Variants in LCORL observed in about 807,000 individuals in gnomAD.
The protein encoded by LCORL is ligand dependent nuclear receptor corepressor like.
Under a neutral mutation model 141.8 loss-of-function variants are expected in LCORL, and 41 were observed. That is an observed-to-expected ratio of 0.29 (90% CI 0.23 to 0.38). LCORL has a LOEUF of 0.38. Among genes scored for constraint, LCORL ranks in the 10% least tolerant of loss-of-function variants. The pLI, the probability that LCORL is intolerant of heterozygous loss-of-function variation, is 1.00. For synonymous variants in LCORL, 618 were observed against 694.1 expected, an observed-to-expected ratio of 0.89 and a Z score of 1.72; for missense variants, 1,759 against 2,035.0, an observed-to-expected ratio of 0.86 and a Z score of 2.61.
chr4:17,897,125 G>A (rs1320521975), intron 5 of LCORL, among the ~76,000 whole-genome samples: 1 of 147,122 alleles, frequency 6.8e-6, no homozygotes, highest in East Asian at 2.1e-4. Flanking sequence ...TCTGCTGATG[G>A]ACACTTAGGT....
At chr4:17,880,665 G>A in intron 6 of LCORL, 1 of 982,644 alleles carries the variant, frequency 1.0e-6, no homozygotes, top group Non-Finnish European at 1.2e-6. Context: ...CAACAGTGTT[G>A]TAAATTTAAG....
At chr4:17,950,019 A>AT (rs576187040) in intron 4 of LCORL, among the ~76,000 whole-genome samples, 3 of 151,542 alleles carry the variant, frequency 2.0e-5, no homozygotes, top group East Asian at 1.9e-4. Flanking sequence ...TGCCACCTCA[A>AT]TTTTTTTTTA....
At chr4:17,862,488 A>G (rs1024278138) in intron 7 of LCORL, among the ~76,000 whole-genome samples, 50 of 152,224 alleles carry the variant, frequency 3.3e-4, no homozygotes, top group African/African-American at 1.2e-3. Flanking sequence ...TATCAGCTAC[A>G]GTAACCAAAA....
chr4:17,971,850 A>G (rs1318807061), intron 2 of LCORL, among the ~76,000 whole-genome samples: 1 of 151,674 alleles, frequency 6.6e-6, no homozygotes, highest in Non-Finnish European at 1.5e-5. Flanking sequence ...ATTGTACTCA[A>G]TATTTAAAAT....
intron 2 of LCORL, among the ~76,000 whole-genome samples, chr4:17,966,646 T>C (rs1714942299): frequency 6.6e-6 from 1 of 152,138 alleles, no homozygotes; most frequent in Non-Finnish European, 1.5e-5. Context: ...TCTGAATAGA[T>C]ACATCACCCA....
intron 5 of LCORL, among the ~76,000 whole-genome samples, chr4:17,907,752 A>G (rs1731872304): frequency 6.6e-6 from 1 of 152,122 alleles, no homozygotes; most frequent in Non-Finnish European, 1.5e-5. Flanking sequence ...TCAGTGTGTT[A>G]GTGTATTTTA....
intron 7 of LCORL, among the ~76,000 whole-genome samples, chr4:17,847,416 G>A (rs544823836): frequency 6.6e-5 from 10 of 152,052 alleles, no homozygotes; most frequent in Admixed American, 2.0e-4. Context: ...AGCTAAATCC[G>A]TTATATCCTG....
At chr4:17,906,910 T>C (rs59520187) in intron 5 of LCORL, among the ~76,000 whole-genome samples, 11,903 of 151,994 alleles carry the variant, frequency 0.078, 955 homozygotes, top group African/African-American at 0.21. Flanking sequence ...TGTTGATCTC[T>C]TGACCTCGTG....
chr4:17,842,299 C>T, exon 8 of LCORL: 1 of 1,609,502 alleles, frequency 6.2e-7, no homozygotes, highest in Non-Finnish European at 8.5e-7. Flanking sequence ...ATGAATTATA[C>T]TATCTTCAAG....
intron 4 of LCORL, among the ~76,000 whole-genome samples, chr4:17,940,169 CATGTATATAT>C (rs1737670055): frequency 1.0e-5 from 1 of 98,010 alleles, no homozygotes; most frequent in African/African-American, 3.2e-5. Flanking sequence ...TATATGTATA[CATGTATATAT>C]ATATATATAC....
At chr4:17,848,231 T>TA (rs150128961) in intron 7 of LCORL, among the ~76,000 whole-genome samples, 17,675 of 152,256 alleles carry the variant, frequency 0.12, 1,142 homozygotes, top group South Asian at 0.24. Flanking sequence ...CATATATACT[T>TA]AAAAAACAGT....
intron 4 of LCORL, among the ~76,000 whole-genome samples, chr4:17,943,413 G>C (rs1560381022): frequency 6.6e-6 from 1 of 152,118 alleles, no homozygotes; most frequent in Non-Finnish European, 1.5e-5. Context: ...GTAGTTCACA[G>C]AAAAACAAAA....
chr4:17,983,898 G>A (rs1295820715), intron 1 of LCORL, among the ~76,000 whole-genome samples: 1 of 152,154 alleles, frequency 6.6e-6, no homozygotes, highest in Non-Finnish European at 1.5e-5. Flanking sequence ...GATGTTGGCT[G>A]TGAGTTTGTC....
intron 7 of LCORL, among the ~76,000 whole-genome samples, chr4:17,868,800 T>C (rs571658018): frequency 2.0e-5 from 3 of 152,276 alleles, no homozygotes; most frequent in African/African-American, 4.8e-5. Context: ...CGTGGTGAAC[T>C]TGACTATTAC....
At chr4:18,008,752 T>C (rs995624906) in intron 1 of LCORL, among the ~76,000 whole-genome samples, 1 of 152,188 alleles carries the variant, frequency 6.6e-6, no homozygotes, top group African/African-American at 2.4e-5. Flanking sequence ...GGGCAATTCT[T>C]GGTGCTGGAA....
chr4:17,883,330 T>C, intron 6 of LCORL: 1 of 1,001,948 alleles, frequency 1.0e-6, no homozygotes, highest in Non-Finnish European at 1.2e-6. Flanking sequence ...ATTTCCATTA[T>C]AAGATGGTTC....
intron 7 of LCORL, among the ~76,000 whole-genome samples, chr4:17,858,057 G>A (rs1489515603): frequency 6.6e-6 from 1 of 152,108 alleles, no homozygotes; most frequent in Non-Finnish European, 1.5e-5. Context: ...AAATAACACA[G>A]ATTGTGAAAT....
chr4:17,968,994 T>C (rs1715446218), intron 2 of LCORL, among the ~76,000 whole-genome samples: 1 of 152,232 alleles, frequency 6.6e-6, no homozygotes, highest in African/African-American at 2.4e-5. Context: ...TTGAGGTTCA[T>C]GCCACATACA....
chr4:17,891,912 T>C (rs986980672), intron 5 of LCORL, among the ~76,000 whole-genome samples: 5 of 152,192 alleles, frequency 3.3e-5, no homozygotes, highest in African/African-American at 7.2e-5. Flanking sequence ...TGCCTACATA[T>C]ACACTTACAC....
Sources: allele counts gnomAD v4.1 joint callset (sites outside exome capture counted in the v4.1 genomes callset), GRCh38; gene constraint gnomAD v4.1.1; transcripts MANE v1.5; gene names NCBI Gene and HGNC (gene_info 2026-07-23, HGNC 2026-07-21).